NRXN3: variants seen among roughly 807,000 people sequenced by gnomAD.
NRXN3 encodes the protein neurexin III.
Under a neutral mutation model 137.6 loss-of-function variants are expected in NRXN3, and 32 were observed. That is an observed-to-expected ratio of 0.23 (90% CI 0.18 to 0.31). The LOEUF is 0.31. NRXN3 is among the 10% of genes least tolerant of loss of function. The pLI, the probability that NRXN3 is intolerant of heterozygous loss-of-function variation, is 1.00. For synonymous variants in NRXN3, 798 were observed against 784.5 expected, an observed-to-expected ratio of 1.02 and a Z score of -0.29; for missense variants, 1,574 against 2,062.5, an observed-to-expected ratio of 0.76 and a Z score of 4.59.
chr14:78,390,812 G>A (rs2090650327), intron 4 of NRXN3, among the ~76,000 whole-genome samples: 1 of 152,094 alleles, frequency 6.6e-6, no homozygotes, highest in Non-Finnish European at 1.5e-5. Flanking sequence ...CACGATACAT[G>A]TGCAGGATGT....
chr14:79,172,160 A>G (rs2061843596), intron 15 of NRXN3, among the ~76,000 whole-genome samples: 1 of 149,886 alleles, frequency 6.7e-6, no homozygotes, highest in Non-Finnish European at 1.5e-5. Flanking sequence ...TATTTGGGGG[A>G]AATTGCTATA....
chr14:79,029,613 G>A (rs112868970), intron 15 of NRXN3, among the ~76,000 whole-genome samples: 1 of 152,076 alleles, frequency 6.6e-6, no homozygotes, highest in African/African-American at 2.4e-5. Context: ...AATTCTTTGA[G>A]GGGATTGTAC....
chr14:78,831,622 A>G (rs1245095922), intron 10 of NRXN3, among the ~76,000 whole-genome samples: 1 of 151,654 alleles, frequency 6.6e-6, no homozygotes, highest in Non-Finnish European at 1.5e-5. Flanking sequence ...TCATGGGTGA[A>G]TATCAACATC....
At chr14:79,100,148 T>C (rs2051008370) in intron 15 of NRXN3, among the ~76,000 whole-genome samples, 1 of 152,228 alleles carries the variant, frequency 6.6e-6, no homozygotes, top group African/African-American at 2.4e-5. Context: ...GCTCACAGAA[T>C]GTTCTCTGTC....
intron 8 of NRXN3, among the ~76,000 whole-genome samples, chr14:78,781,746 T>A (rs1191123886): frequency 6.6e-6 from 1 of 152,226 alleles, no homozygotes; most frequent in Non-Finnish European, 1.5e-5. Context: ...AGCTGTTTAA[T>A]AATAGAATTC....
intron 10 of NRXN3, among the ~76,000 whole-genome samples, chr14:78,812,820 A>G (rs1281138063): frequency 1.3e-5 from 2 of 152,222 alleles, no homozygotes; most frequent in Admixed American, 1.3e-4. Context: ...TGTTTTTGAG[A>G]TTTTCACAAT....
At chr14:79,051,442 A>T (rs2099641728) in intron 15 of NRXN3, among the ~76,000 whole-genome samples, 1 of 152,240 alleles carries the variant, frequency 6.6e-6, no homozygotes, top group Non-Finnish European at 1.5e-5. Context: ...GGTGGAAAAG[A>T]GCATGAACCC....
chr14:78,919,844 C>T (rs1182159154), intron 10 of NRXN3, among the ~76,000 whole-genome samples: 2 of 152,064 alleles, frequency 1.3e-5, no homozygotes, highest in African/African-American at 4.8e-5. Flanking sequence ...TCAAAATTAA[C>T]AGTAATAATG....
intron 15 of NRXN3, among the ~76,000 whole-genome samples, chr14:79,226,935 G>A (rs1286992885): frequency 6.8e-6 from 1 of 146,746 alleles, no homozygotes; most frequent in East Asian, 2.0e-4. Context: ...CCTTTCTCAA[G>A]TAATCCTCCT....
intron 19 of NRXN3, among the ~76,000 whole-genome samples, chr14:79,724,344 A>C (rs1434881250): frequency 6.6e-6 from 1 of 152,148 alleles, no homozygotes; most frequent in Admixed American, 6.6e-5. Flanking sequence ...AGAAAATGTC[A>C]CAACATACTC....
rs557352925 is a variant in NRXN3 at position 78,965,891 on chromosome 14, T to C, written c.2396-134T>C. On this transcript the variant is annotated intron_variant, in intron 11 of 20. Transcript: ENST00000335750. ...GTAAGGTATCTACCATATTGAATATTTGGTTTTCTTGAACTCACCCAAGAA... is the reference window on the plus strand; with the variant it reads ...GTAAGGTATCTACCATATTGAATATCTGGTTTTCTTGAACTCACCCAAGAA... 1.7e-5 allele frequency: 16 copies of C among 955,912 alleles called. No individual in the cohort carries two copies. In the Admixed American group the frequency reaches 3.6e-4, roughly 22 times the overall value. The allele number at this position is 955,912 out of a possible 1,614,324, so 59.2% of individuals were successfully genotyped here.
intron 1 of NRXN3, among the ~76,000 whole-genome samples, chr14:78,232,579 C>G (rs1463084929): frequency 6.6e-6 from 1 of 152,168 alleles, no homozygotes; most frequent in African/African-American, 2.4e-5. Flanking sequence ...TCTCCCCTTA[C>G]CCGCTTTGTG....
At chr14:78,804,984 T>C (rs944317726) in intron 9 of NRXN3, among the ~76,000 whole-genome samples, 1 of 152,178 alleles carries the variant, frequency 6.6e-6, no homozygotes, top group Non-Finnish European at 1.5e-5. Context: ...TGAACAAATG[T>C]ACCAGATGCA....
Position 79,133,979 on chromosome 14 carries a change from C to T in NRXN3, c.3262+145838C>T, listed in dbSNP as rs540674634. On this transcript the variant is annotated intron_variant, in intron 15 of 20. Transcript: ENST00000335750. ...AAAGAAAAAAGAAACTGAACAAATA[C>T]GTTATTTACTGAAGGAGTAAATATG... Among the ~76,000 whole-genome samples, 13 of 150,408 alleles carry T rather than the reference C, an allele frequency of 8.6e-5. No homozygotes were observed. The East Asian group carries it at 1.6e-3, about 18-fold the overall frequency.
At chr14:79,850,965 C>A (rs190767512) in intron 20 of NRXN3, among the ~76,000 whole-genome samples, 88 of 152,186 alleles carry the variant, frequency 5.8e-4, no homozygotes, top group African/African-American at 2.0e-3. Flanking sequence ...AAGTGACAAC[C>A]CTAAATTTTC....
At chr14:78,953,875 G>T (rs1044831299) in intron 10 of NRXN3, among the ~76,000 whole-genome samples, 1 of 152,186 alleles carries the variant, frequency 6.6e-6, no homozygotes, top group Non-Finnish European at 1.5e-5. Flanking sequence ...AAAAATGCAG[G>T]AAAGTTAATG....
At chr14:78,778,750 CCT>C (rs372371713) in intron 8 of NRXN3, among the ~76,000 whole-genome samples, 191 of 108,990 alleles carry the variant, frequency 1.8e-3, no homozygotes, top group African/African-American at 4.4e-3. Flanking sequence ...TTCTTTCTTT[CCT>C]TCTTTCTCTT....
chr14:78,877,300 G>T (rs1033151422), intron 10 of NRXN3, among the ~76,000 whole-genome samples: 1 of 152,144 alleles, frequency 6.6e-6, no homozygotes, highest in African/African-American at 2.4e-5. Context: ...TCATGTTGTT[G>T]AATGAATATT....
chr14:78,246,417 G>A (rs554964387), intron 2 of NRXN3, among the ~76,000 whole-genome samples: 7 of 151,816 alleles, frequency 4.6e-5, no homozygotes, highest in Admixed American at 2.0e-4. Flanking sequence ...TCCTGGCTAC[G>A]GATTGATACC....
Sources: allele counts gnomAD v4.1 joint callset (sites outside exome capture counted in the v4.1 genomes callset), GRCh38; gene constraint gnomAD v4.1.1; transcripts MANE v1.5; gene names NCBI Gene and HGNC (gene_info 2026-07-23, HGNC 2026-07-21).